Variants in PCDHGB6 observed in about 807,000 individuals in gnomAD.
PCDHGB6 encodes the protein protocadherin gamma-B6.
In PCDHGB6, 51 loss-of-function variants were observed where a neutral mutation model predicts 59.1. That is an observed-to-expected ratio of 0.86 (90% CI 0.69 to 1.09). The LOEUF (loss-of-function observed/expected upper bound fraction) is 1.09, where lower values mean the gene tolerates loss of function less well. Ranked by LOEUF, PCDHGB6 falls within the 50% of genes least tolerant of loss-of-function variation. The pLI, the probability that PCDHGB6 is intolerant of heterozygous loss-of-function variation, is 0.00. For synonymous variants in PCDHGB6, 466 were observed against 495.1 expected (o/e 0.94, Z 0.78); for missense variants, 1,148 against 1,205.1 (o/e 0.95, Z 0.70).
chr5:141,464,843 A>G lies in PCDHGB6; in HGVS notation c.2419-29964A>G, dbSNP rs183890796. On this transcript the variant is annotated intron_variant, in intron 1 of 3. Coordinates refer to ENST00000520790, the MANE Select transcript of PCDHGB6 (RefSeq NM_018926.3). Reference sequence around the variant, plus strand: ...AGCCTCGCACTCCTGGGCTCAAGCAATCCTCCTACCTTAGCCTCCCAAGTA... The same window carrying G: ...AGCCTCGCACTCCTGGGCTCAAGCAGTCCTCCTACCTTAGCCTCCCAAGTA... 1.5e-3 allele frequency among the ~76,000 whole-genome samples: 231 copies of G among 152,234 alleles called. 1 individual carries two copies. Among genetic ancestry groups the G allele is most frequent in the Non-Finnish European group, 2.3e-3 (159 of 68,018 alleles).
In PCDHGB6 at chr5:141,489,744, C is replaced by T. The variant is rs185263705; in HGVS notation, c.2419-5063C>T. The T allele has an allele frequency of 1.1e-5, 18 of 1,614,144 alleles. No homozygotes were observed. In the Admixed American group the frequency reaches 2.8e-4, roughly 25 times the overall value. Reference sequence around the variant, plus strand: ...CGGATGTGGGCACCAATACTGTGAGCTTTTACACTCTAAGCCCCAACAGCC... The same window carrying T: ...CGGATGTGGGCACCAATACTGTGAGTTTTTACACTCTAAGCCCCAACAGCC... On this transcript the variant is annotated intron_variant, in intron 1 of 3. Transcript: ENST00000520790. This position sits in a 1 kb window ranked among gnomAD's most constrained non-coding sequence, Gnocchi z 4.5.
rs187873649 is a variant in PCDHGB6, at chr5:141,469,715, G to A, written c.2419-25092G>A. ...TATGACCTAGTAATCACACTATTAG[G>A]AATTTATCATAAATACACACCTCAA... On this transcript the variant is annotated intron_variant, in intron 1 of 3. Coordinates refer to ENST00000520790, the MANE Select transcript of PCDHGB6 (RefSeq NM_018926.3). Among the ~76,000 whole-genome samples, 552 of 152,160 alleles carry A rather than the reference G, an allele frequency of 3.6e-3. 1 individual carries two copies. Among genetic ancestry groups the A allele is most frequent in the Non-Finnish European group, 5.8e-3 (397 of 68,008 alleles).
rs553587727 is a variant in PCDHGB6, at chr5:141,419,523, G to A, written c.2418+8903G>A. The A allele has an allele frequency of 2.1e-4, 343 of 1,612,204 alleles. 3 individuals are homozygous for A. The South Asian group carries it at 3.5e-3, about 17-fold the overall frequency. ...AGCCTGCGCGTGTTGGTGGGCGACC[G>A]TAACGACAACGCACCGCGGGTGCTG... On this transcript the variant is annotated intron_variant, in intron 1 of 3. Coordinates refer to ENST00000520790, the MANE Select transcript of PCDHGB6 (RefSeq NM_018926.3).
chr5:141,444,640 G>A (rs192148868), intron 1 of PCDHGB6, among the ~76,000 whole-genome samples: 3 of 152,196 alleles, frequency 2.0e-5, no homozygotes, highest in Non-Finnish European at 2.9e-5. Flanking sequence ...GTTCATTGAG[G>A]TAGGGGTTGA....
Position 141,410,438 on chromosome 5 carries a change from G to T in PCDHGB6, c.2236G>T (p.Gly746Trp), listed in dbSNP as rs957017717. Residue 746 changes from glycine to tryptophan, a missense_variant, in exon 1 of 4, where the codon GGG (glycine) becomes TGG (tryptophan). Gly to Trp is a radical substitution (Grantham distance 184, BLOSUM62 -2). Coordinates refer to ENST00000520790, the MANE Select transcript of PCDHGB6 (RefSeq NM_018926.3). ...TGTAGTTCCCCCCAACTACAGTGAG[G>T]GGACTTTGCCTTATTCTTATAATCT... ...GPVVPPNYSE[G>W]TLPYSYNLCI... The T allele has an allele frequency of 6.2e-7, 1 of 1,613,894 alleles. No individual in the cohort carries two copies. The highest frequency in any genetic ancestry group is 1.3e-5 in the African/African-American group (1 of 74,926).
intron 1 of PCDHGB6, among the ~76,000 whole-genome samples, chr5:141,492,165 C>T (rs932762928): frequency 1.4e-4 from 22 of 152,210 alleles, no homozygotes; most frequent in African/African-American, 4.8e-4. Context: ...TCCCTATCCC[C>T]GCATCACCCA....
At position 141,487,289 on chromosome 5, in the gene PCDHGB6, G is replaced by T; in HGVS notation, c.2419-7518G>T. 6.2e-7 allele frequency: 1 copy of T among 1,614,096 alleles called. No individual in the cohort carries two copies. The highest frequency in any genetic ancestry group is 8.5e-7 in the Non-Finnish European group (1 of 1,180,024). On this transcript the variant is annotated intron_variant, in intron 1 of 3. Coordinates refer to ENST00000520790, the MANE Select transcript of PCDHGB6 (RefSeq NM_018926.3). The surrounding 1 kb of genome is among the most constrained non-coding windows in gnomAD (Gnocchi z 5.0). Reference sequence around the variant, plus strand: ...AGTGGCAATTTGCTTTGTCTCCTTTGGCTCATTCGTGGCACTACTCTCTAA... The same window carrying T: ...AGTGGCAATTTGCTTTGTCTCCTTTTGCTCATTCGTGGCACTACTCTCTAA...
rs754747902 is a variant in PCDHGB6 at position 141,417,898 on chromosome 5, G to T, written c.2418+7278G>T. The T allele has an allele frequency of 5.5e-5, 87 of 1,579,262 alleles. 1 individual carries two copies. The South Asian group carries it at 7.8e-4, about 14-fold the overall frequency. The stretch of plus-strand genomic sequence containing the variant: ...GCGCGCAGAGGCGCCGGGCCGGCCC[G>T]CGGCAGGTACTATTTCCTTTGCTGC... On this transcript the variant is annotated intron_variant, in intron 1 of 3. Coordinates refer to ENST00000520790, the MANE Select transcript of PCDHGB6 (RefSeq NM_018926.3).
rs2099606006 is a variant in PCDHGB6, at chr5:141,485,058, G to A, written c.2419-9749G>A. Reference sequence around the variant, plus strand: ...TAACCCTTGCGGCGCCGGCCGAACCGCGCCAGAGCTGGCGCGGGGAAAGGG... The same window carrying A: ...TAACCCTTGCGGCGCCGGCCGAACCACGCCAGAGCTGGCGCGGGGAAAGGG... On this transcript the variant is annotated intron_variant, in intron 1 of 3. Coordinates refer to ENST00000520790, the MANE Select transcript of PCDHGB6 (RefSeq NM_018926.3). The surrounding 1 kb of genome is among the most constrained non-coding windows in gnomAD (Gnocchi z 5.7). 1 of 848,828 alleles carries A rather than the reference G, an allele frequency of 1.2e-6. No individual in the cohort carries two copies. The highest frequency in any genetic ancestry group is 1.9e-6 in the Non-Finnish European group (1 of 529,084). The allele number at this position is 848,828 out of a possible 1,614,324, so 52.6% of individuals were successfully genotyped here.
chr5:141,422,409 A>G, intron 1 of PCDHGB6: 1 of 1,601,728 alleles, frequency 6.2e-7, no homozygotes. Flanking sequence ...TGCCTTTTAA[A>G]TTAGAAAAGA....
rs775284049 is a variant in PCDHGB6 at position 141,431,448 on chromosome 5, T to C, written c.2418+20828T>C. On this transcript the variant is annotated intron_variant, in intron 1 of 3. Coordinates refer to ENST00000520790, the MANE Select transcript of PCDHGB6 (RefSeq NM_018926.3). The surrounding 1 kb of genome is among the most constrained non-coding windows in gnomAD (Gnocchi z 4.8). ...CGCACAGGCACCGCGCGCATCCGCG[T>C]GATGGTTCTGGATGCGAACGACAAC... 2.5e-6 allele frequency: 4 copies of C among 1,613,706 alleles called. No individual in the cohort carries two copies. The South Asian group carries it at 4.4e-5, about 18-fold the overall frequency.
chr5:141,409,907 C>T lies in PCDHGB6; in HGVS notation c.1705C>T (p.Pro569Ser), dbSNP rs1370065492. The T allele has an allele frequency of 6.2e-7, 1 of 1,613,294 alleles. No homozygotes were observed. The highest frequency in any genetic ancestry group is 2.2e-5 in the East Asian group (1 of 44,874). The change falls in exon 1 of 4, where the codon CCT becomes TCT. Residue 569 changes from proline (P) to serine (S), a missense_variant. By Grantham distance (74) the Pro-to-Ser change is moderately conservative. Coordinates refer to ENST00000520790, the MANE Select transcript of PCDHGB6 (RefSeq NM_018926.3). The part of the protein sequence containing the change: ...APRVLYPALG[P>S]DGSAFFDMVP... ...GCGGGTGCTGTACCCAGCTCTGGGTCCTGACGGCTCCGCGTTCTTCGATAT... is the reference window on the plus strand; with the variant it reads ...GCGGGTGCTGTACCCAGCTCTGGGTTCTGACGGCTCCGCGTTCTTCGATAT...
At chr5:141,479,063 A>G (rs1476826751) in intron 1 of PCDHGB6, among the ~76,000 whole-genome samples, 1 of 152,204 alleles carries the variant, frequency 6.6e-6, no homozygotes, top group African/African-American at 2.4e-5. Context: ...ATAATTTTTT[A>G]TGAATGAAAT....
chr5:141,509,435 T>C (rs547082417), intron 3 of PCDHGB6, among the ~76,000 whole-genome samples: 1 of 152,214 alleles, frequency 6.6e-6, no homozygotes, highest in South Asian at 2.1e-4. Context: ...AAACTCTTGT[T>C]TCCTCCTCTC....
chr5:141,409,668 A>G lies in PCDHGB6; in HGVS notation c.1466A>G (p.Tyr489Cys). Residue 489 changes from tyrosine to cysteine, a missense_variant, in exon 1 of 4, where the codon TAC (tyrosine) becomes TGC (cysteine). By Grantham distance (194) the Tyr-to-Cys change is radical. Transcript: ENST00000520790. ...TTGGGGCTCAATGGCCACATCTCCT[A>G]CTCTATAGTGGCGAGTGACCTAGAG... ...PDLGLNGHIS[Y>C]SIVASDLEPL... is the part of the protein sequence containing the mutation. The G allele has an allele frequency of 6.2e-7, 1 of 1,613,398 alleles. No individual in the cohort carries two copies. Among genetic ancestry groups the G allele is most frequent in the Non-Finnish European group, 8.5e-7 (1 of 1,179,834 alleles).
intron 2 of PCDHGB6, among the ~76,000 whole-genome samples, chr5:141,500,935 C>A (rs1159997919): frequency 1.3e-5 from 2 of 151,694 alleles, no homozygotes; most frequent in Non-Finnish European, 2.9e-5. Flanking sequence ...GTGGCGCCAT[C>A]TCGGCTCACT....
chr5:141,509,320 C>T (rs1261653347), intron 3 of PCDHGB6, among the ~76,000 whole-genome samples: 2 of 152,194 alleles, frequency 1.3e-5, no homozygotes, highest in East Asian at 3.8e-4. Flanking sequence ...GGGAGAGAAG[C>T]TCTACTGCCA....
At chr5:141,417,423 C>T (rs1252792899) in intron 1 of PCDHGB6, 1 of 159,686 alleles carries the variant, frequency 6.3e-6, no homozygotes, top group African/African-American at 2.4e-5. Context: ...TATGTAAATT[C>T]AGTAAATAAA....
Position 141,485,831 on chromosome 5 carries a change from C to T in PCDHGB6, c.2419-8976C>T. 1 of 1,614,080 alleles carries T rather than the reference C, an allele frequency of 6.2e-7. No individual in the cohort carries two copies. The highest frequency in any genetic ancestry group is 8.5e-7 in the Non-Finnish European group (1 of 1,180,026). ...GCTGACTGCTGTCGATGGAGGGAAC[C>T]CGCCGAGATCTGGCACCGCAGAGCT... On this transcript the variant is annotated intron_variant, in intron 1 of 3. Coordinates refer to ENST00000520790, the MANE Select transcript of PCDHGB6 (RefSeq NM_018926.3). This position sits in a 1 kb window ranked among gnomAD's most constrained non-coding sequence, Gnocchi z 5.7.
Sources: gnomAD v4.1 joint callset for allele counts (sites outside exome capture counted in the v4.1 genomes callset) on GRCh38, gnomAD v4.1.1 for gene constraint, Gnocchi (gnomAD v3.1) non-coding constraint, MANE v1.5 for transcripts, NCBI Gene and HGNC (gene_info 2026-07-23, HGNC 2026-07-21) for gene names.